Variants in ANO3 observed in about 807,000 individuals in gnomAD.
ANO3 encodes the protein anoctamin 3.
Under a neutral mutation model 144.8 loss-of-function variants are expected in ANO3, and 99 were observed. That is an observed-to-expected ratio of 0.68 (90% CI 0.58 to 0.81). The LOEUF (loss-of-function observed/expected upper bound fraction) is 0.81, where lower values mean the gene tolerates loss of function less well. Ranked by LOEUF, ANO3 falls within the 30% of genes least tolerant of loss-of-function variation. The pLI, the probability that ANO3 is intolerant of heterozygous loss-of-function variation, is 0.00. For missense variants in ANO3, 905 were observed against 1,202.2 expected, an observed-to-expected ratio of 0.75 and a Z score of 3.66; for synonymous variants, 414 against 392.6, an observed-to-expected ratio of 1.05 and a Z score of -0.64.
chr11:26,411,810 ATGAC>A (rs1215178798), intron 1 of ANO3, among the ~76,000 whole-genome samples: 5 of 151,850 alleles, frequency 3.3e-5, no homozygotes, highest in African/African-American at 9.7e-5. Context: ...AATTAGTTGC[ATGAC>A]TGCTTTGACA....
rs889062254 is a variant in ANO3 at position 26,660,934 on chromosome 11, A to G, written c.*490A>G. ...CTTGCCTTGGCTGCCAGAACTCTAC[A>G]TCCCTTCAGTTTACAGGTTGGTAGG... On this transcript the variant is annotated 3_prime_UTR_variant, in exon 27 of 27. Transcript: ENST00000256737. 1 of 153,838 alleles carries G rather than the reference A, an allele frequency of 6.5e-6. No individual in the cohort carries two copies. The highest frequency in any genetic ancestry group is 2.4e-5 in the African/African-American group (1 of 41,472). 9.5% of individuals were successfully genotyped at this position (153,838 alleles called of 1,614,324 possible).
chr11:26,527,091 G>T (rs961223254), intron 7 of ANO3, among the ~76,000 whole-genome samples: 2 of 152,002 alleles, frequency 1.3e-5, no homozygotes, highest in African/African-American at 4.8e-5. Context: ...CTTTCCTTTG[G>T]AGACTTGGGA....
At chr11:26,255,921 G>A (rs1428630369) in intron 1 of ANO3, among the ~76,000 whole-genome samples, 2 of 152,080 alleles carry the variant, frequency 1.3e-5, no homozygotes, top group Admixed American at 6.5e-5. Flanking sequence ...GACTAGAAAA[G>A]GCCAGTCACA....
Position 26,541,960 on chromosome 11 carries a change from G to A in ANO3, c.1046G>A (p.Ser349Asn). ...TATCTGTTGCAGGGAGCCTACAAAA[G>A]TAGCCAGCCCATTAAAACCCATGGA... is the stretch of plus-strand genomic sequence containing the variant. ...AFPPHEGAYK[S>N]SQPIKTHGPQ... The change falls in exon 11 of 27, where the codon AGT becomes AAT. Residue 349 changes from serine to asparagine, a missense_variant. Physicochemically the swap from Ser to Asn is conservative, Grantham distance 46. Around this residue, in one of 4 missense-constraint regions of ANO3, gnomAD observed 597 missense variants for 865.1 expected, o/e 0.69. Transcript: ENST00000256737. 4 of 1,610,744 alleles carry A rather than the reference G, an allele frequency of 2.5e-6. No homozygotes were observed. The highest frequency in any genetic ancestry group is 3.4e-6 in the Non-Finnish European group (4 of 1,178,292).
chr11:26,529,175 TTAATA>T (rs1565081807), intron 7 of ANO3, among the ~76,000 whole-genome samples: 32 of 1,458 alleles, frequency 0.022, 10 homozygotes, highest in East Asian at 0.33. Flanking sequence ...ATATATATTA[TTAATA>T]ATATATATTA....
intron 1 of ANO3, among the ~76,000 whole-genome samples, chr11:26,361,779 A>G (rs530488332): frequency 6.6e-6 from 1 of 152,264 alleles, no homozygotes; most frequent in South Asian, 2.1e-4. Context: ...TTTTGCAACA[A>G]ACTCTTTATT....
chr11:26,422,250 A>G (rs1290098348), intron 1 of ANO3, among the ~76,000 whole-genome samples: 1 of 152,022 alleles, frequency 6.6e-6, no homozygotes, highest in Non-Finnish European at 1.5e-5. Context: ...TCAACCAGTT[A>G]TTATTTACTT....
chr11:26,536,423 A>G (rs1301695494), intron 9 of ANO3, among the ~76,000 whole-genome samples: 8 of 152,044 alleles, frequency 5.3e-5, no homozygotes, highest in Admixed American at 6.6e-5. Context: ...TTTTGAAATA[A>G]TTATGACATT....
chr11:26,613,699 G>T (rs893334096), intron 17 of ANO3, among the ~76,000 whole-genome samples: 1 of 152,154 alleles, frequency 6.6e-6, no homozygotes. Flanking sequence ...GGTTCTGAGT[G>T]GAGTCTCTAG....
At chr11:26,436,931 G>C (rs1257550065) in intron 1 of ANO3, among the ~76,000 whole-genome samples, 1 of 152,078 alleles carries the variant, frequency 6.6e-6, no homozygotes, top group Non-Finnish European at 1.5e-5. Context: ...AACTGCTCCA[G>C]TATTCCGGGG....
At chr11:26,603,142 T>C (rs982172864) in intron 17 of ANO3, among the ~76,000 whole-genome samples, 2 of 152,128 alleles carry the variant, frequency 1.3e-5, no homozygotes, top group Non-Finnish European at 2.9e-5. Context: ...TGGGCAAACA[T>C]AAAACTGATT....
chr11:26,608,501 C>CCAG (rs1278435266), intron 17 of ANO3, among the ~76,000 whole-genome samples: 1 of 152,068 alleles, frequency 6.6e-6, no homozygotes, highest in Non-Finnish European at 1.5e-5. Flanking sequence ...GAGGGGAAAC[C>CCAG]CAGTCTTCTC....
intron 1 of ANO3, among the ~76,000 whole-genome samples, chr11:26,426,358 T>G (rs1304235361): frequency 6.6e-6 from 1 of 152,146 alleles, no homozygotes; most frequent in Non-Finnish European, 1.5e-5. Context: ...CTTGTGCTAT[T>G]CACGTAAGTG....
intron 23 of ANO3, 26 bp from the exon 24 acceptor site, chr11:26,647,683 A>G (rs1853392517): frequency 6.3e-7 from 1 of 1,576,410 alleles, no homozygotes; most frequent in South Asian, 1.2e-5. Flanking sequence ...ATTTTTGTTC[A>G]CCATGATTAA....
chr11:26,229,100 A>ATT (rs5790564), intron 1 of ANO3, among the ~76,000 whole-genome samples: 13 of 151,548 alleles, frequency 8.6e-5, no homozygotes, highest in South Asian at 2.1e-4. Context: ...TAAAGAGGAC[A>ATT]TTTTTTTTTC....
chr11:26,577,096 C>T (rs180681623), intron 14 of ANO3, among the ~76,000 whole-genome samples: 34 of 152,084 alleles, frequency 2.2e-4, no homozygotes, highest in Non-Finnish European at 4.1e-4. Flanking sequence ...GTGATAGGAG[C>T]CATTTCACAA....
intron 17 of ANO3, among the ~76,000 whole-genome samples, chr11:26,602,463 A>C (rs927830002): frequency 1.3e-4 from 20 of 152,172 alleles, no homozygotes; most frequent in Non-Finnish European, 2.6e-4. Context: ...ATGGTGGCTC[A>C]TGCCTGCAAT....
At chr11:26,523,123 A>C (rs967179252) in intron 6 of ANO3, among the ~76,000 whole-genome samples, 1 of 152,188 alleles carries the variant, frequency 6.6e-6, no homozygotes, top group Non-Finnish European at 1.5e-5. Flanking sequence ...GAAATGAAGA[A>C]GGAACTTCCA....
At chr11:26,630,368 G>A (rs1046580644) in intron 18 of ANO3, among the ~76,000 whole-genome samples, 1 of 152,146 alleles carries the variant, frequency 6.6e-6, no homozygotes, top group African/African-American at 2.4e-5. Flanking sequence ...GTTTGGCTTC[G>A]CATAGAAGAG....
Sources: allele counts gnomAD v4.1 joint callset (sites outside exome capture counted in the v4.1 genomes callset), GRCh38; gene constraint gnomAD v4.1.1; regional missense constraint gnomAD v4.1.1; transcripts MANE v1.5; gene names NCBI Gene and HGNC (gene_info 2026-07-23, HGNC 2026-07-21).